SCFD2: variants seen among roughly 807,000 people sequenced by gnomAD.
SCFD2 encodes the protein sec1 family domain-containing protein 2.
In SCFD2, 54 loss-of-function variants were observed where a neutral mutation model predicts 58.9. That is an observed-to-expected ratio of 0.92 (90% confidence interval 0.74 to 1.15). SCFD2 has a LOEUF of 1.15. SCFD2 is among the 50% of genes most tolerant of loss of function. The pLI, the probability that SCFD2 is intolerant of heterozygous loss-of-function variation, is 0.00. For synonymous variants in SCFD2, 321 were observed against 335.9 expected, an observed-to-expected ratio of 0.96 and a Z score of 0.49; for missense variants, 805 against 836.6, an observed-to-expected ratio of 0.96 and a Z score of 0.47.
At chr4:53,014,211 T>G (rs1722160330) in intron 5 of SCFD2, among the ~76,000 whole-genome samples, 1 of 151,866 alleles carries the variant, frequency 6.6e-6, no homozygotes, top group African/African-American at 2.4e-5. Context: ...GTGAAAGGAG[T>G]TGGTATGGAG....
chr4:53,200,873 T>C (rs1260300666), intron 4 of SCFD2, among the ~76,000 whole-genome samples: 1 of 151,996 alleles, frequency 6.6e-6, no homozygotes, highest in Non-Finnish European at 1.5e-5. Context: ...GCACATTAAA[T>C]TTTTCACTAA....
intron 5 of SCFD2, among the ~76,000 whole-genome samples, chr4:53,057,194 A>G (rs1723367917): frequency 6.6e-6 from 1 of 152,162 alleles, no homozygotes; most frequent in Admixed American, 6.6e-5. Context: ...TGATTCTACT[A>G]TAAAGGCACT....
At chr4:53,338,575 C>CTTTTTTTTTTTTTTCTTTTT in intron 2 of SCFD2, among the ~76,000 whole-genome samples, 1 of 72,294 alleles carries the variant, frequency 1.4e-5, no homozygotes, top group Non-Finnish European at 2.5e-5. Context: ...GTATATTTTT[C>CTTTTTTTTTTTTTTCTTTTT]TTTTTTTTTT....
intron 5 of SCFD2, among the ~76,000 whole-genome samples, chr4:53,065,031 A>G (rs1348245966): frequency 2.0e-5 from 3 of 152,124 alleles, no homozygotes; most frequent in Non-Finnish European, 4.4e-5. Flanking sequence ...AAAAGAGCCA[A>G]AGTTTTTCCA....
At chr4:53,273,049 A>G (rs1731223597) in intron 4 of SCFD2, among the ~76,000 whole-genome samples, 1 of 152,118 alleles carries the variant, frequency 6.6e-6, no homozygotes, top group South Asian at 2.1e-4. Flanking sequence ...GGAAAATCAG[A>G]TTAGAGATGG....
chr4:53,238,525 G>A (rs1463475008), intron 4 of SCFD2, among the ~76,000 whole-genome samples: 3 of 151,888 alleles, frequency 2.0e-5, no homozygotes, highest in African/African-American at 7.3e-5. Flanking sequence ...CCTCCCGGAT[G>A]GGGTGGCTGC....
At chr4:52,875,856 A>ATATAT (rs1718460824) in intron 8 of SCFD2, among the ~76,000 whole-genome samples, 2 of 101,990 alleles carry the variant, frequency 2.0e-5, no homozygotes, top group Non-Finnish European at 3.8e-5. Flanking sequence ...ATATATATAT[A>ATATAT]GTTAATGTCA....
chr4:53,167,373 G>A (rs1197314969), intron 4 of SCFD2, among the ~76,000 whole-genome samples: 4 of 152,166 alleles, frequency 2.6e-5, no homozygotes, highest in African/African-American at 4.8e-5. Context: ...TGTGTCCAAA[G>A]CACGTGACTC....
At chr4:53,081,361 A>G (rs564340981) in intron 5 of SCFD2, among the ~76,000 whole-genome samples, 1 of 152,240 alleles carries the variant, frequency 6.6e-6, no homozygotes. Flanking sequence ...TCACCCAGAC[A>G]GTGAGTATAA....
In SCFD2 at chr4:52,968,874, C is replaced by T. The variant is rs1202931649; in HGVS notation, c.1562-48004G>A. 2.6e-5 allele frequency among the ~76,000 whole-genome samples: 4 copies of T among 152,180 alleles called. No homozygotes were observed. In the East Asian group the frequency reaches 5.8e-4, roughly 22 times the overall value. On this transcript the variant is annotated intron_variant, in intron 5 of 8. Transcript: ENST00000401642. ...TCAAATATATGACAAAGATTCTCTG[C>T]TTGGCCAAACGCCAGTTAGGCTTCT... is the stretch of plus-strand genomic sequence containing the variant.
At chr4:52,955,326 T>C (rs957288503) in intron 5 of SCFD2, among the ~76,000 whole-genome samples, 1 of 152,196 alleles carries the variant, frequency 6.6e-6, no homozygotes, top group Non-Finnish European at 1.5e-5. Flanking sequence ...CTGAGTCCCA[T>C]TTCCCAGAAG....
At chr4:53,004,580 C>T (rs184274291) in intron 5 of SCFD2, among the ~76,000 whole-genome samples, 7 of 152,252 alleles carry the variant, frequency 4.6e-5, no homozygotes, top group African/African-American at 1.2e-4. Context: ...AGTAGCTTGC[C>T]CAAGGTCACA....
chr4:52,993,365 C>T (rs557847761), intron 5 of SCFD2, among the ~76,000 whole-genome samples: 1 of 151,926 alleles, frequency 6.6e-6, no homozygotes, highest in African/African-American at 2.4e-5. Flanking sequence ...ATCCCCCTCT[C>T]GGAGAAACAC....
chr4:53,084,604 T>C (rs1724249403), intron 5 of SCFD2, among the ~76,000 whole-genome samples: 2 of 152,204 alleles, frequency 1.3e-5, no homozygotes, highest in African/African-American at 2.4e-5. Flanking sequence ...TAAATGTCCA[T>C]ATTAATATGA....
chr4:53,058,435 A>G (rs1723412169), intron 5 of SCFD2, among the ~76,000 whole-genome samples: 1 of 152,166 alleles, frequency 6.6e-6, no homozygotes, highest in Non-Finnish European at 1.5e-5. Flanking sequence ...TCTCGGGGAA[A>G]GTAGCCATTT....
At chr4:53,267,746 T>C (rs1047131545) in intron 4 of SCFD2, among the ~76,000 whole-genome samples, 5 of 151,756 alleles carry the variant, frequency 3.3e-5, no homozygotes, top group Non-Finnish European at 7.4e-5. Context: ...ATGCCTGGGG[T>C]TCCTCAGTCT....
chr4:52,994,899 A>G (rs756119758), intron 5 of SCFD2, among the ~76,000 whole-genome samples: 1 of 152,204 alleles, frequency 6.6e-6, no homozygotes, highest in Non-Finnish European at 1.5e-5. Flanking sequence ...TGTTAATGAT[A>G]GCAACCAACA....
At chr4:53,036,066 T>C (rs764051475) in intron 5 of SCFD2, among the ~76,000 whole-genome samples, 1 of 151,952 alleles carries the variant, frequency 6.6e-6, no homozygotes, top group Non-Finnish European at 1.5e-5. Flanking sequence ...TTATTTATTT[T>C]ATTATTATTA....
chr4:52,951,359 C>T (rs1720588419), intron 5 of SCFD2, among the ~76,000 whole-genome samples: 1 of 152,170 alleles, frequency 6.6e-6, no homozygotes, highest in Non-Finnish European at 1.5e-5. Context: ...TCTAATGCAA[C>T]ATGGTAAGGT....
Sources: gnomAD v4.1 joint callset for allele counts (sites outside exome capture counted in the v4.1 genomes callset) on GRCh38, gnomAD v4.1.1 for gene constraint, MANE v1.5 for transcripts, NCBI Gene and HGNC (gene_info 2026-07-23, HGNC 2026-07-21) for gene names.